The following MYO3A variants were observed in gnomAD, a reference collection of about 807,000 sequenced individuals.
MYO3A encodes the protein myosin IIIA, also known as myosin-IIIa.
Under a neutral mutation model 192.7 loss-of-function variants are expected in MYO3A, and 180 were observed. The observed-to-expected ratio is 0.93, with a 90% CI of 0.83 to 1.06. MYO3A has a LOEUF of 1.06. Among genes scored for constraint, MYO3A ranks in the 50% least tolerant of loss-of-function variants. The pLI, the probability that MYO3A is intolerant of heterozygous loss-of-function variation, is 0.00. For synonymous variants in MYO3A, 628 were observed against 645.3 expected (o/e 0.97, Z 0.41); for missense variants, 1,896 against 1,905.0 (o/e 1.00, Z 0.09).
intron 6 of MYO3A, among the ~76,000 whole-genome samples, chr10:26,008,899 A>T (rs1841422280): frequency 6.6e-6 from 1 of 151,798 alleles, no homozygotes. Context: ...AAGGACTCTA[A>T]ATCATGCTGC....
intron 14 of MYO3A, among the ~76,000 whole-genome samples, chr10:26,082,331 G>T (rs999240540): frequency 7.9e-5 from 12 of 151,904 alleles, no homozygotes; most frequent in Non-Finnish European, 1.2e-4. Flanking sequence ...CTAATGTTTT[G>T]TTTTTATGCT....
At chr10:25,994,223 A>G (rs918086215) in intron 4 of MYO3A, among the ~76,000 whole-genome samples, 3 of 151,740 alleles carry the variant, frequency 2.0e-5, no homozygotes, top group South Asian at 2.1e-4. Flanking sequence ...TATATTTAGG[A>G]TAGTTAGCTC....
intron 34 of MYO3A, among the ~76,000 whole-genome samples, chr10:26,205,053 G>T (rs1401052902): frequency 6.6e-6 from 1 of 152,206 alleles, no homozygotes; most frequent in Non-Finnish European, 1.5e-5. Context: ...CACACACCAA[G>T]TATTGGCATT....
Position 26,062,530 on chromosome 10 carries a change from A to AAAAAAAACG in MYO3A, c.954-4442_954-4441insAAAACGAAA, listed in dbSNP as rs1554816581. On this transcript the variant is annotated intron_variant, in intron 10 of 34. Transcript: ENST00000642920. ...GATGCCATCTCAAAAAAAAAAAAAA[A>AAAAAAAACG]AAATTATGGAGGAATCTAATTAAGA... 2.6e-4 allele frequency among the ~76,000 whole-genome samples: 33 copies of AAAAAAAACG among 126,004 alleles called. 1 individual carries two copies. Among genetic ancestry groups the AAAAAAAACG allele is most frequent in the African/African-American group, 9.4e-4 (33 of 34,976 alleles). The allele number at this position is 126,004 out of a possible 152,430, so 82.7% of individuals were successfully genotyped here. A position where few individuals can be genotyped will look rare whatever the true frequency, so the allele number is the denominator to read the frequency against.
intron 10 of MYO3A, among the ~76,000 whole-genome samples, chr10:26,059,091 C>T (rs1230739317): frequency 6.6e-6 from 1 of 152,116 alleles, no homozygotes; most frequent in Non-Finnish European, 1.5e-5. Flanking sequence ...TTTATGCTGA[C>T]TCTTTCAGAT....
intron 15 of MYO3A, among the ~76,000 whole-genome samples, chr10:26,090,833 A>G (rs950661076): frequency 6.6e-6 from 1 of 152,238 alleles, no homozygotes; most frequent in African/African-American, 2.4e-5. Flanking sequence ...ATGAATGGTG[A>G]GAAGCCCATG....
At chr10:25,984,823 A>G (rs1839547896) in intron 4 of MYO3A, among the ~76,000 whole-genome samples, 1 of 152,268 alleles carries the variant, frequency 6.6e-6, no homozygotes, top group Non-Finnish European at 1.5e-5. Flanking sequence ...AATGAAATCA[A>G]GATGGAAATG....
At chr10:26,113,017 C>G (rs1279947178) in intron 17 of MYO3A, among the ~76,000 whole-genome samples, 2 of 152,058 alleles carry the variant, frequency 1.3e-5, no homozygotes, top group African/African-American at 4.8e-5. Context: ...ATTGCGCTTT[C>G]ATTTCTTATG....
intron 20 of MYO3A, among the ~76,000 whole-genome samples, chr10:26,128,831 A>G (rs1230895308): frequency 6.6e-6 from 1 of 152,214 alleles, no homozygotes; most frequent in Non-Finnish European, 1.5e-5. Flanking sequence ...TGAAAATTTA[A>G]GTAGACAGAT....
chr10:26,060,644 TTTTAAAAC>T (rs1361309603), intron 10 of MYO3A, among the ~76,000 whole-genome samples: 1 of 152,210 alleles, frequency 6.6e-6, no homozygotes, highest in Admixed American at 6.5e-5. Context: ...TGTATGCATA[TTTTAAAAC>T]TTATTTAATA....
chr10:26,033,245 TG>T (rs1424497102), intron 10 of MYO3A, among the ~76,000 whole-genome samples: 1 of 152,034 alleles, frequency 6.6e-6, no homozygotes, highest in Non-Finnish European at 1.5e-5. Flanking sequence ...GGCTAATTTT[TG>T]TATTTTGTTT....
At chr10:25,993,878 C>G (rs1208378980) in intron 4 of MYO3A, among the ~76,000 whole-genome samples, 1 of 152,120 alleles carries the variant, frequency 6.6e-6, no homozygotes, top group Non-Finnish European at 1.5e-5. Flanking sequence ...GTCTGAGAGA[C>G]AGTTTGTTAT....
chr10:26,118,409 C>T (rs984136376), intron 17 of MYO3A, among the ~76,000 whole-genome samples: 5 of 152,148 alleles, frequency 3.3e-5, no homozygotes, highest in African/African-American at 9.7e-5. Context: ...ATACACCCTA[C>T]ATCCATTTAC....
rs145414382 is a variant in MYO3A, at chr10:26,021,811, T to C, written c.731+163T>C. 7.5e-3 allele frequency: 7,037 copies of C among 934,134 alleles called. 40 individuals are homozygous for C. The highest frequency in any genetic ancestry group is 0.01 in the Non-Finnish European group (6,058 of 604,882). 57.9% of individuals were successfully genotyped at this position (934,134 alleles called of 1,614,324 possible). On this transcript the variant is annotated intron_variant, in intron 8 of 34. Coordinates refer to ENST00000642920, the MANE Select transcript of MYO3A (RefSeq NM_017433.5). ...TGCTTCTTCTGAGACATTGTATTTG[T>C]TCAGTAGTTGCATTTCCCTGGTCTA... is the stretch of plus-strand genomic sequence containing the variant.
chr10:26,186,161 G>T (rs1032362552), intron 31 of MYO3A, among the ~76,000 whole-genome samples: 3 of 151,776 alleles, frequency 2.0e-5, no homozygotes, highest in African/African-American at 4.8e-5. Context: ...AGATGTTTTT[G>T]GTTTTAATAG....
At chr10:26,158,219 A>T (rs1449006254) in intron 26 of MYO3A, among the ~76,000 whole-genome samples, 1 of 152,138 alleles carries the variant, frequency 6.6e-6, no homozygotes, top group African/African-American at 2.4e-5. Flanking sequence ...AAATTTTTTT[A>T]AAAGAATCAA....
At chr10:26,067,875 G>T (rs940441201) in intron 11 of MYO3A, among the ~76,000 whole-genome samples, 4 of 151,908 alleles carry the variant, frequency 2.6e-5, no homozygotes, top group African/African-American at 9.7e-5. Context: ...CTGAGCATTT[G>T]ACTCAGAAAT....
At chr10:26,194,438 G>A (rs1442824317) in intron 32 of MYO3A, among the ~76,000 whole-genome samples, 1 of 152,070 alleles carries the variant, frequency 6.6e-6, no homozygotes, top group Non-Finnish European at 1.5e-5. Context: ...TGCTCCCGAG[G>A]CCTTTGCACC....
chr10:26,115,076 C>T (rs1054870495), intron 17 of MYO3A, among the ~76,000 whole-genome samples: 7 of 152,144 alleles, frequency 4.6e-5, no homozygotes, highest in African/African-American at 1.7e-4. Context: ...CAGTCAAGCA[C>T]AAGAAGATGT....
Sources: gnomAD v4.1 joint callset for allele counts (sites outside exome capture counted in the v4.1 genomes callset) on GRCh38, gnomAD v4.1.1 for gene constraint, MANE v1.5 for transcripts, NCBI Gene and HGNC (gene_info 2026-07-23, HGNC 2026-07-21) for gene names.